The following ABCG2 variants were observed in gnomAD, a reference collection of about 807,000 sequenced individuals.
ABCG2 encodes the protein ATP binding cassette subfamily G member 2 (JR blood group).
Under a neutral mutation model 73.5 loss-of-function variants are expected in ABCG2, and 80 were observed. That is an observed-to-expected ratio of 1.09 (90% CI 0.91 to 1.31). ABCG2 has a LOEUF of 1.31. Ranked by LOEUF, ABCG2 falls within the 50% of genes most tolerant of loss-of-function variation. ABCG2 has a pLI of 0.00. For missense variants in ABCG2, 796 were observed against 786.2 expected (o/e 1.01, Z -0.15); for synonymous variants, 269 against 282.4 (o/e 0.95, Z 0.48).
At chr4:88,204,943 C>T (rs1729321484) in intron 1 of ABCG2, among the ~76,000 whole-genome samples, 1 of 152,154 alleles carries the variant, frequency 6.6e-6, no homozygotes, top group African/African-American at 2.4e-5. Flanking sequence ...AAAGATTTGC[C>T]ATTTAAGTGC....
At chr4:88,131,368 C>T (rs1724861428) in intron 4 of ABCG2, among the ~76,000 whole-genome samples, 155 bp from the exon 5 acceptor site, 1 of 152,194 alleles carries the variant, frequency 6.6e-6, no homozygotes, top group Non-Finnish European at 1.5e-5. Flanking sequence ...TGACAGTTAA[C>T]TCCATAGATG....
chr4:88,155,901 C>CAA (rs1045462067), intron 1 of ABCG2, among the ~76,000 whole-genome samples: 4 of 142,430 alleles, frequency 2.8e-5, no homozygotes, highest in African/African-American at 1.0e-4. Context: ...GACTCCATCT[C>CAA]AAAAAAAAAA....
chr4:88,224,223 G>A (rs1397761395), intron 1 of ABCG2, among the ~76,000 whole-genome samples: 2 of 152,144 alleles, frequency 1.3e-5, no homozygotes, highest in Non-Finnish European at 2.9e-5. Flanking sequence ...GCCAAGGCAG[G>A]TGGATCACTT....
At chr4:88,189,449 G>A (rs1425988063) in intron 1 of ABCG2, among the ~76,000 whole-genome samples, 1 of 152,016 alleles carries the variant, frequency 6.6e-6, no homozygotes, top group Non-Finnish European at 1.5e-5. Context: ...AGGAGTTCAA[G>A]GCTGCAGTGA....
chr4:88,231,568 TC>T (rs1353485475), upstream of ABCG2, among the ~76,000 whole-genome samples: 1 of 152,122 alleles, frequency 6.6e-6, no homozygotes, highest in Non-Finnish European at 1.5e-5. Context: ...AAAAACCAAT[TC>T]TAGCAAATGG....
chr4:88,128,349 T>G (rs1284720986), intron 5 of ABCG2, among the ~76,000 whole-genome samples: 4 of 152,188 alleles, frequency 2.6e-5, no homozygotes, highest in African/African-American at 9.7e-5. Flanking sequence ...TCAACCATTG[T>G]GCAAGACAGT....
chr4:88,180,005 G>A (rs560042923), intron 1 of ABCG2, among the ~76,000 whole-genome samples: 71 of 152,176 alleles, frequency 4.7e-4, no homozygotes, highest in African/African-American at 1.5e-3. Flanking sequence ...AGAGAGGGGG[G>A]TAGAAATTTA....
intron 10 of ABCG2, among the ~76,000 whole-genome samples, chr4:88,106,270 T>A (rs1371252529): frequency 6.6e-6 from 1 of 152,124 alleles, no homozygotes; most frequent in Non-Finnish European, 1.5e-5. Context: ...CCCGAGTAGC[T>A]GGGACTACAG....
chr4:88,195,415 A>G (rs552063767), intron 1 of ABCG2, among the ~76,000 whole-genome samples: 152 of 152,334 alleles, frequency 1.0e-3, no homozygotes, highest in African/African-American at 3.4e-3. Context: ...TAGGGTCCAT[A>G]TAATATGTGG....
rs184709106 is a variant in ABCG2 at position 88,105,490 on chromosome 4, C to T, written c.1277+1694G>A. Among the ~76,000 whole-genome samples the T allele has an allele frequency of 1.4e-4, 22 of 152,194 alleles. No homozygotes were observed. In the East Asian group the frequency reaches 1.9e-3, roughly 13 times the overall value. The stretch of plus-strand genomic sequence containing the variant: ...GCTTATGTTCAGAACACAATACAGT[C>T]GATAAAAAGTCCCCTCATAAAATGA... On this transcript the variant is annotated intron_variant, in intron 10 of 15. Transcript: ENST00000237612.
At chr4:88,209,359 AAAAT>A (rs1267004853) in intron 1 of ABCG2, among the ~76,000 whole-genome samples, 1 of 151,678 alleles carries the variant, frequency 6.6e-6, no homozygotes, top group Non-Finnish European at 1.5e-5. Flanking sequence ...CAAAAAAAAC[AAAAT>A]AAATAAAAAC....
intron 1 of ABCG2, among the ~76,000 whole-genome samples, chr4:88,154,503 A>G (rs1204390098): frequency 6.6e-6 from 1 of 152,204 alleles, no homozygotes; most frequent in East Asian, 1.9e-4. Flanking sequence ...GGTAGCCTCA[A>G]TGATAGATGT....
chr4:88,172,518 G>A (rs905176851), intron 1 of ABCG2, among the ~76,000 whole-genome samples: 4 of 150,040 alleles, frequency 2.7e-5, no homozygotes, highest in African/African-American at 9.8e-5. Context: ...GGCAGAGGTT[G>A]CAGTGAGCCG....
At chr4:88,113,230 A>G in intron 9 of ABCG2, 73 bp downstream of exon 9, 1 of 1,534,374 alleles carries the variant, frequency 6.5e-7, no homozygotes, top group Non-Finnish European at 8.8e-7. Context: ...TAGAAGATAA[A>G]CATATCCTGA....
At chr4:88,204,095 G>A (rs556536167) in intron 1 of ABCG2, among the ~76,000 whole-genome samples, 1 of 150,862 alleles carries the variant, frequency 6.6e-6, no homozygotes, top group Non-Finnish European at 1.5e-5. Flanking sequence ...GATTTTGTTT[G>A]CTTTGCAAAG....
chr4:88,227,569 A>T (rs1214570340), intron 1 of ABCG2, among the ~76,000 whole-genome samples: 1 of 152,124 alleles, frequency 6.6e-6, no homozygotes, highest in Non-Finnish European at 1.5e-5. Context: ...TTAGAATGCC[A>T]ATTCCCACGC....
At chr4:88,103,709 C>A (rs1722595335) in intron 10 of ABCG2, among the ~76,000 whole-genome samples, 1 of 152,156 alleles carries the variant, frequency 6.6e-6, no homozygotes, top group Non-Finnish European at 1.5e-5. Flanking sequence ...ACCCTTTGAC[C>A]ATCATCTCTC....
chr4:88,164,469 T>G (rs900258083), intron 1 of ABCG2, among the ~76,000 whole-genome samples: 1 of 152,184 alleles, frequency 6.6e-6, no homozygotes, highest in Non-Finnish European at 1.5e-5. Flanking sequence ...GTTCTGATAG[T>G]GAGTTCTCAC....
intron 1 of ABCG2, among the ~76,000 whole-genome samples, chr4:88,212,066 T>C (rs1298499845): frequency 6.6e-6 from 1 of 152,156 alleles, no homozygotes; most frequent in Non-Finnish European, 1.5e-5. Context: ...CCCAAATAAT[T>C]ATTAGTAGTG....
Sources: gnomAD v4.1 joint callset for allele counts (sites outside exome capture counted in the v4.1 genomes callset) on GRCh38, gnomAD v4.1.1 for gene constraint, MANE v1.5 for transcripts, NCBI Gene and HGNC (gene_info 2026-07-23, HGNC 2026-07-21) for gene names.